The following LIN9 variants were observed in gnomAD, a reference collection of about 807,000 sequenced individuals.
LIN9 encodes the protein lin-9 DREAM MuvB core complex component.
LIN9 carries 18 observed loss-of-function variants against 78.0 expected under a neutral mutation model. The observed-to-expected ratio is 0.23, with a 90% CI of 0.16 to 0.34. LIN9 has a LOEUF of 0.34. Among genes scored for constraint, LIN9 ranks in the 10% least tolerant of loss-of-function variants. LIN9 has a pLI of 1.00. For synonymous variants in LIN9, 192 were observed against 215.2 expected (o/e 0.89, Z 0.94); for missense variants, 451 against 644.1 (o/e 0.70, Z 3.25).
At chr1:226,254,445 TAAA>T (rs1285160479) in intron 10 of LIN9, among the ~76,000 whole-genome samples, 1 of 152,186 alleles carries the variant, frequency 6.6e-6, no homozygotes, top group Admixed American at 6.5e-5. Flanking sequence ...TTAAGTATCT[TAAA>T]ATAATAGTGG....
chr1:226,260,172 C>T (rs1371904119), intron 10 of LIN9, among the ~76,000 whole-genome samples: 1 of 152,158 alleles, frequency 6.6e-6, no homozygotes, highest in African/African-American at 2.4e-5. Flanking sequence ...CTTATATCTA[C>T]TAAATAAATT....
At chr1:226,273,254 TA>T (rs1317908050) in intron 7 of LIN9, among the ~76,000 whole-genome samples, 106 of 135,110 alleles carry the variant, frequency 7.8e-4, no homozygotes, top group African/African-American at 2.8e-3. Flanking sequence ...TTTAATTAGG[TA>T]ATTTTTTTTT....
chr1:226,309,213 G>C (rs377303982), upstream of LIN9: 1 of 1,454,800 alleles, frequency 6.9e-7, no homozygotes, highest in Non-Finnish European at 9.2e-7. Context: ...GTCTTTGCGA[G>C]GGAGGTTCGA....
intron 6 of LIN9, among the ~76,000 whole-genome samples, chr1:226,283,274 T>C (rs1385893517): frequency 1.4e-5 from 2 of 143,724 alleles, no homozygotes; most frequent in African/African-American, 5.2e-5. Flanking sequence ...TGGGTAATTT[T>C]TGAATTTTTT....
At chr1:226,299,034 A>G (rs1662343103) in intron 2 of LIN9, among the ~76,000 whole-genome samples, 1 of 152,214 alleles carries the variant, frequency 6.6e-6, no homozygotes, top group Non-Finnish European at 1.5e-5. Context: ...ATGATTAGAC[A>G]TATTGTGAAA....
intron 2 of LIN9, among the ~76,000 whole-genome samples, chr1:226,298,055 G>C (rs1662265910): frequency 6.6e-6 from 1 of 152,164 alleles, no homozygotes; most frequent in Admixed American, 6.5e-5. Context: ...ACTGAAACAT[G>C]TGCTTCTTTT....
Position 226,277,897 on chromosome 1 carries a change from G to A in LIN9, c.560C>T (p.Ala187Val). ...SSAFFEEERS[A>V]LKQKRQKIRL... ...TATTTTCTGCCGTTTCTGTTTTAAT[G>A]CTGATCTCTCTTCCTCAAAAAATGC... Residue 187 changes from alanine (A) to valine (V), a missense_variant, in exon 7 of 15, where the codon GCA becomes GTA. Ala to Val is a moderately conservative substitution (Grantham distance 64). Transcript: ENST00000681046. 6.2e-7 allele frequency: 1 copy of A among 1,613,296 alleles called. No homozygotes were observed. Among genetic ancestry groups the A allele is most frequent in the Non-Finnish European group, 8.5e-7 (1 of 1,179,660 alleles).
chr1:226,293,648 C>T (rs953833030), intron 4 of LIN9, among the ~76,000 whole-genome samples: 6 of 152,308 alleles, frequency 3.9e-5, no homozygotes, highest in African/African-American at 1.2e-4. Flanking sequence ...GCTGTGATCT[C>T]GGCTCACTGC....
intron 6 of LIN9, among the ~76,000 whole-genome samples, chr1:226,279,272 G>C (rs1660885826): frequency 6.6e-6 from 1 of 152,058 alleles, no homozygotes; most frequent in Non-Finnish European, 1.5e-5. Flanking sequence ...TCTGAGACCA[G>C]CCTGGGCAAC....
chr1:226,309,225 T>A (rs763946094), upstream of LIN9: 2 of 1,427,166 alleles, frequency 1.4e-6, no homozygotes, highest in African/African-American at 1.5e-5. Context: ...GAGGTTCGAA[T>A]GCGGAGCTCG....
chr1:226,272,867 G>A (rs1660392939), intron 7 of LIN9, among the ~76,000 whole-genome samples: 1 of 152,108 alleles, frequency 6.6e-6, no homozygotes, highest in South Asian at 2.1e-4. Flanking sequence ...CCCAGAGCTT[G>A]GGGCCTTCAC....
rs1055635835 is a variant in LIN9 at position 226,243,886 on chromosome 1, A to ATTAT, written c.1120-4791_1120-4790insATAA. ...ACACATACAATTAAAAATTATTATT[A>ATTAT]TTTTTTGAGATGGAGTCTTGCTCTG... On this transcript the variant is annotated intron_variant, in intron 11 of 14. Transcript: ENST00000681046. Among the ~76,000 whole-genome samples, 13 of 150,514 alleles carry ATTAT rather than the reference A, an allele frequency of 8.6e-5. 1 individual carries two copies. The highest frequency in any genetic ancestry group is 2.1e-4 in the South Asian group (1 of 4,664).
chr1:226,244,300 C>T (rs922650441), intron 11 of LIN9, among the ~76,000 whole-genome samples: 2 of 151,928 alleles, frequency 1.3e-5, no homozygotes, highest in South Asian at 2.1e-4. Flanking sequence ...GGCGCGGTGG[C>T]GCATGCCTGT....
intron 6 of LIN9, among the ~76,000 whole-genome samples, chr1:226,278,225 T>C (rs1315765574): frequency 1.3e-5 from 2 of 152,080 alleles, no homozygotes; most frequent in Admixed American, 6.6e-5. Context: ...GGTCAGGAGT[T>C]AGAGACCAGC....
Position 226,250,925 on chromosome 1 carries a change from G to C in LIN9, c.1039-6C>G. 7.3e-7 allele frequency: 1 copy of C among 1,365,846 alleles called. No individual in the cohort carries two copies. Among genetic ancestry groups the C allele is most frequent in the South Asian group, 1.3e-5 (1 of 79,740 alleles). The allele number at this position is 1,365,846 out of a possible 1,614,324, so 84.6% of individuals were successfully genotyped here. A position where few individuals can be genotyped will look rare whatever the true frequency, so the allele number is the denominator to read the frequency against. ...AGAATTTTTGATAATCTGGTCTACA[G>C]ACAAAGAAGAAATATTTTAGAATAA... is the stretch of plus-strand genomic sequence containing the variant. On this transcript the variant is annotated splice_region_variant and splice_polypyrimidine_tract_variant and intron_variant, in intron 10 of 14. Transcript: ENST00000681046.
chr1:226,264,779 G>C (rs1233905942), intron 10 of LIN9, among the ~76,000 whole-genome samples: 1 of 152,064 alleles, frequency 6.6e-6, no homozygotes, highest in Non-Finnish European at 1.5e-5. Flanking sequence ...AATCCAGGAG[G>C]TAGAGGTTGC....
chr1:226,253,281 AG>A (rs1200786212), intron 10 of LIN9, among the ~76,000 whole-genome samples: 15 of 147,506 alleles, frequency 1.0e-4, no homozygotes, highest in South Asian at 2.1e-4. Context: ...AAAAAAAAAA[AG>A]AGAAAGAAAG....
Position 226,272,547 on chromosome 1 carries a change from T to A in LIN9, c.683-4457A>T, listed in dbSNP as rs1310271468. Among the ~76,000 whole-genome samples, 3 of 150,754 alleles carry A rather than the reference T, an allele frequency of 2.0e-5. 1 individual carries two copies. Among genetic ancestry groups the A allele is most frequent in the Admixed American group, 6.6e-5 (1 of 15,144 alleles). On this transcript the variant is annotated intron_variant, in intron 7 of 14. Coordinates refer to ENST00000681046, the MANE Select transcript of LIN9 (RefSeq NM_001366245.2). ...CCACTACCATGCTTGACCTTTTTTTTTTTTTTTTTTTTAATGTTTGTAGAG... is the reference window on the plus strand; with the variant it reads ...CCACTACCATGCTTGACCTTTTTTTATTTTTTTTTTTTAATGTTTGTAGAG...
At chr1:226,247,504 C>G (rs1658560094) in intron 11 of LIN9, among the ~76,000 whole-genome samples, 1 of 152,138 alleles carries the variant, frequency 6.6e-6, no homozygotes, top group Non-Finnish European at 1.5e-5. Flanking sequence ...ATTTTGGCCT[C>G]CAACCCACTT....
Sources: gnomAD v4.1 joint callset for allele counts (sites outside exome capture counted in the v4.1 genomes callset) on GRCh38, gnomAD v4.1.1 for gene constraint, MANE v1.5 for transcripts, NCBI Gene and HGNC (gene_info 2026-07-23, HGNC 2026-07-21) for gene names.